SLF1: variants seen among roughly 807,000 people sequenced by gnomAD.
SLF1 encodes SMC5-SMC6 complex localization factor protein 1.
In SLF1, 105 loss-of-function variants were observed where a neutral mutation model predicts 123.0. The ratio of observed to expected loss-of-function variants is 0.85; its 90% confidence interval spans 0.73 to 1.00. The LOEUF is 1.00. SLF1 is among the 50% of genes least tolerant of loss of function. SLF1 has a pLI of 0.00. For synonymous variants in SLF1, 434 were observed against 406.6 expected, an observed-to-expected ratio of 1.07 and a Z score of -0.81; for missense variants, 1,239 against 1,223.0, an observed-to-expected ratio of 1.01 and a Z score of -0.20.
At position 94,689,590 on chromosome 5, in the gene SLF1, C is replaced by T; in HGVS notation, c.2403C>T (p.His801=). 1.2e-6 allele frequency: 2 copies of T among 1,608,558 alleles called. No individual in the cohort carries two copies. The highest frequency in any genetic ancestry group is 1.1e-5 in the South Asian group (1 of 90,408). ...CTGTAGTTAAAAAGATGAATTTTCA[C>T]AAGACTAATCTAAAAGGTATTCCAA... ...CPSVVKKMNF[H]KTNLKGETAL... is the part of the protein sequence containing the mutation. Residue 801 remains histidine (H), a synonymous_variant, in exon 18 of 21, where the codon CAC becomes CAT. Coordinates refer to ENST00000265140, the MANE Select transcript of SLF1 (RefSeq NM_032290.4).
At chr5:94,642,459 G>A (rs767628909) in intron 4 of SLF1, among the ~76,000 whole-genome samples, 1 of 152,174 alleles carries the variant, frequency 6.6e-6, no homozygotes, top group Non-Finnish European at 1.5e-5. Context: ...TGGGAACTGT[G>A]TTGCTCCTTT....
intron 14 of SLF1, among the ~76,000 whole-genome samples, chr5:94,671,749 G>C (rs577443447): frequency 6.7e-6 from 1 of 148,498 alleles, no homozygotes; most frequent in South Asian, 2.1e-4. Context: ...TACCTGTTGA[G>C]TACAACTTGA....
Position 94,666,024 on chromosome 5 carries a change from G to A in SLF1, c.1532G>A (p.Arg511Lys). 6.5e-7 allele frequency: 1 copy of A among 1,541,954 alleles called. No individual in the cohort carries two copies. Among genetic ancestry groups the A allele is most frequent in the South Asian group, 1.2e-5 (1 of 81,928 alleles). The change falls in exon 12 of 21, where the codon AGG becomes AAG. Residue 511 changes from arginine (R) to lysine (K), a missense_variant and splice_region_variant. Physicochemically the swap from Arg to Lys is conservative, Grantham distance 26 (BLOSUM62 2). Coordinates refer to ENST00000265140, the MANE Select transcript of SLF1 (RefSeq NM_032290.4). ...TGGTCTTTAGTAGAAGTCCTTATCA[G>A]GTAAGGAATTTCACATTTGACGATG... ...GAWSLVEVLI[R>K]SCLFNESFCH... is the part of the protein sequence containing the mutation.
chr5:94,678,759 A>G (rs768269704), intron 14 of SLF1, 49 bp from the exon 15 acceptor site: 15 of 1,483,608 alleles, frequency 1.0e-5, no homozygotes, highest in African/African-American at 1.4e-5. Flanking sequence ...ACTAACAGAA[A>G]TTCAATATTG....
intron 4 of SLF1, 67 bp downstream of exon 4, chr5:94,630,810 T>C: frequency 1.3e-6 from 2 of 1,483,770 alleles, no homozygotes; most frequent in Non-Finnish European, 1.8e-6. Flanking sequence ...CATGAGTACT[T>C]TCTGTATTTT....
chr5:94,678,750 C>A, intron 14 of SLF1, 58 bp from the exon 15 acceptor site: 2 of 1,442,122 alleles, frequency 1.4e-6, no homozygotes, highest in Non-Finnish European at 1.9e-6. Context: ...AAAATAAATA[C>A]TAACAGAAAT....
chr5:94,664,012 GTT>G (rs199873196), intron 11 of SLF1, 104 bp downstream of exon 11: 27 of 1,153,626 alleles, frequency 2.3e-5, no homozygotes, highest in Admixed American at 3.7e-5. Context: ...CCTGTTCAGT[GTT>G]TTTTTTTCTT....
At chr5:94,641,875 AG>A (rs1185293310) in intron 4 of SLF1, among the ~76,000 whole-genome samples, 6 of 152,204 alleles carry the variant, frequency 3.9e-5, no homozygotes, top group African/African-American at 1.4e-4. Flanking sequence ...CCTGGGCAAG[AG>A]GGTTTCCGGC....
intron 15 of SLF1, among the ~76,000 whole-genome samples, chr5:94,686,080 T>A (rs1752398469): frequency 6.6e-6 from 1 of 152,180 alleles, no homozygotes; most frequent in Non-Finnish European, 1.5e-5. Flanking sequence ...TTCCTCCTTT[T>A]CTGCAGTGAT....
At chr5:94,651,419 T>C (rs947359579) in intron 6 of SLF1, among the ~76,000 whole-genome samples, 8 of 152,238 alleles carry the variant, frequency 5.3e-5, no homozygotes, top group Non-Finnish European at 8.8e-5. Flanking sequence ...TATTTTGGTA[T>C]AATGATTAAA....
intron 20 of SLF1, among the ~76,000 whole-genome samples, chr5:94,694,358 G>A (rs1183978094): frequency 6.6e-6 from 1 of 151,774 alleles, no homozygotes; most frequent in African/African-American, 2.4e-5. Flanking sequence ...TATGAAAACT[G>A]TTCTCTATCT....
chr5:94,671,191 G>A (rs763377361), intron 14 of SLF1, among the ~76,000 whole-genome samples, 183 bp downstream of exon 14: 7 of 151,600 alleles, frequency 4.6e-5, no homozygotes, highest in South Asian at 2.1e-4. Context: ...TTCCTTCATC[G>A]TCTCATGTTT....
rs1157623074 is a variant in SLF1 at position 94,657,716 on chromosome 5, T to A, written c.1155+2964T>A. Among the ~76,000 whole-genome samples the A allele has an allele frequency of 2.0e-5, 3 of 152,086 alleles. No individual in the cohort carries two copies. In the East Asian group the frequency reaches 5.8e-4, roughly 29 times the overall value. ...GTGCTCCAAGATCTGGATTTATATA[T>A]CTGGGTGCTCCAAGTTGGGTACATA... On this transcript the variant is annotated intron_variant, in intron 9 of 20. Transcript: ENST00000265140.
chr5:94,644,437 G>A (rs112347474), intron 5 of SLF1, among the ~76,000 whole-genome samples: 25 of 152,144 alleles, frequency 1.6e-4, no homozygotes, highest in African/African-American at 5.5e-4. Flanking sequence ...TCTCTAATAC[G>A]GCTTACAAGT....
intron 13 of SLF1, 111 bp from the exon 14 acceptor site, chr5:94,670,732 T>A: frequency 1.3e-6 from 1 of 745,886 alleles, no homozygotes; most frequent in Admixed American, 2.9e-5. Context: ...TCTTTATATT[T>A]TATGATCTAT....
chr5:94,673,790 T>G (rs1411935477), intron 14 of SLF1, among the ~76,000 whole-genome samples: 7 of 151,862 alleles, frequency 4.6e-5, no homozygotes, highest in Non-Finnish European at 8.8e-5. Context: ...GTTTGTTTAG[T>G]TGTCTGAGGC....
At chr5:94,621,840 C>T (rs1791816596) in intron 1 of SLF1, among the ~76,000 whole-genome samples, 1 of 152,058 alleles carries the variant, frequency 6.6e-6, no homozygotes, top group Non-Finnish European at 1.5e-5. Flanking sequence ...GAACAGCCCT[C>T]AAGTCTCATC....
intron 16 of SLF1, among the ~76,000 whole-genome samples, chr5:94,687,136 C>T (rs1044028324): frequency 2.0e-5 from 3 of 152,174 alleles, no homozygotes; most frequent in Non-Finnish European, 2.9e-5. Flanking sequence ...ATAAATATTT[C>T]AATTCTGTAT....
intron 7 of SLF1, 58 bp downstream of exon 7, chr5:94,651,903 A>G (rs2152479296): frequency 1.1e-6 from 1 of 870,478 alleles, no homozygotes; most frequent in Non-Finnish European, 1.5e-6. Flanking sequence ...TTTATAGAAC[A>G]GTTTTCTTTA....
Sources: gnomAD v4.1 joint callset for allele counts (sites outside exome capture counted in the v4.1 genomes callset) on GRCh38, gnomAD v4.1.1 for gene constraint, MANE v1.5 for transcripts, NCBI Gene and HGNC (gene_info 2026-07-23, HGNC 2026-07-21) for gene names.